Variants in ICE2 observed in about 807,000 individuals in gnomAD.
The protein encoded by ICE2 is little elongation complex subunit 2.
In ICE2, 87 loss-of-function variants were observed where a neutral mutation model predicts 105.4. That is an observed-to-expected ratio of 0.83 (90% CI 0.69 to 0.99). The LOEUF (loss-of-function observed/expected upper bound fraction) is 0.99. ICE2 is among the 50% of genes least tolerant of loss of function. ICE2 has a pLI of 0.00. For missense variants in ICE2, 1,323 were observed against 1,146.7 expected (o/e 1.15, Z -2.22); for synonymous variants, 399 against 392.0 (o/e 1.02, Z -0.21).
At chr15:60,424,419 G>GGTGGGC (rs1491015380) in intron 15 of ICE2, among the ~76,000 whole-genome samples, 191 of 1,834 alleles carry the variant, frequency 0.1, 1 homozygote, top group African/African-American at 0.16. Context: ...GAATACAGAG[G>GGTGGGC]ATGGGGGAAG....
At chr15:60,465,777 G>A (rs1301715210) in intron 5 of ICE2, among the ~76,000 whole-genome samples, 2 of 146,510 alleles carry the variant, frequency 1.4e-5, no homozygotes, top group African/African-American at 5.1e-5. Flanking sequence ...TTGAGACAGG[G>A]TATCGCTCTG....
At chr15:60,429,166 A>G (rs1430012250) in intron 14 of ICE2, among the ~76,000 whole-genome samples, 1 of 152,284 alleles carries the variant, frequency 6.6e-6, no homozygotes, top group African/African-American at 2.4e-5. Flanking sequence ...CAATGGAACA[A>G]TCACAGTACA....
chr15:60,425,944 T>C (rs1269231256), intron 15 of ICE2, among the ~76,000 whole-genome samples: 1 of 152,148 alleles, frequency 6.6e-6, no homozygotes, highest in African/African-American at 2.4e-5. Context: ...CCAAAAACTT[T>C]CCACTGGCTT....
chr15:60,448,097 A>C lies in ICE2; in HGVS notation c.2168T>G (p.Leu723Arg). ...QDYVEDTSEY[L>R]APQEGNFVYK... ...AACAAAATTTCCTTCCTGAGGAGCT[A>C]GGTATTCCGATGTATCTTCAACATA... is the stretch of plus-strand genomic sequence containing the variant. Residue 723 changes from leucine (L) to arginine (R), a missense_variant, in exon 11 of 16, where the codon CTA becomes CGA. Leu to Arg is a moderately radical substitution (Grantham distance 102, BLOSUM62 -2). Coordinates refer to ENST00000261520, the MANE Select transcript of ICE2 (RefSeq NM_024611.6). The C allele has an allele frequency of 9.3e-6, 15 of 1,612,858 alleles. No homozygotes were observed. Among genetic ancestry groups the C allele is most frequent in the Non-Finnish European group, 1.3e-5 (15 of 1,178,950 alleles).
chr15:60,477,543 T>C (rs2064798562), intron 2 of ICE2, among the ~76,000 whole-genome samples: 1 of 152,242 alleles, frequency 6.6e-6, no homozygotes. Context: ...TATGCATTTA[T>C]ATCATTTGAT....
At chr15:60,433,728 T>C (rs1333516360) in intron 13 of ICE2, among the ~76,000 whole-genome samples, 1 of 151,652 alleles carries the variant, frequency 6.6e-6, no homozygotes, top group Non-Finnish European at 1.5e-5. Context: ...TGACCTCAAG[T>C]GATCCACCTG....
chr15:60,461,927 T>C (rs2064289273), intron 5 of ICE2, among the ~76,000 whole-genome samples: 3 of 152,276 alleles, frequency 2.0e-5, no homozygotes, highest in South Asian at 4.1e-4. Context: ...AGGAAGAGCC[T>C]CTCAGTGAGT....
At chr15:60,446,934 GGA>G (rs2063835070) in intron 11 of ICE2, among the ~76,000 whole-genome samples, 1 of 146,204 alleles carries the variant, frequency 6.8e-6, no homozygotes, top group African/African-American at 2.5e-5. Context: ...AAAAATTAAA[GGA>G]AACACACTTT....
intron 3 of ICE2, among the ~76,000 whole-genome samples, chr15:60,473,779 A>G (rs1399818760): frequency 6.6e-6 from 1 of 152,254 alleles, no homozygotes; most frequent in Non-Finnish European, 1.5e-5. Context: ...ATATCCATAA[A>G]TGTACATACA....
intron 12 of ICE2, chr15:60,441,450 A>T (rs2063718605): frequency 6.6e-6 from 1 of 152,238 alleles, no homozygotes; most frequent in Non-Finnish European, 1.5e-5. Context: ...CAAGCAATCA[A>T]GCTATGCAGT....
chr15:60,465,834 C>G (rs2064410497), intron 5 of ICE2, among the ~76,000 whole-genome samples: 1 of 151,130 alleles, frequency 6.6e-6, no homozygotes, highest in Non-Finnish European at 1.5e-5. Context: ...CACTGCAAAC[C>G]TCCACCTCCC....
rs1595778188 is a variant in ICE2, at chr15:60,449,311, C to T, written c.1656G>A (p.Lys552=). The change falls in exon 10 of 16, where the codon AAG becomes AAA. Residue 552 remains lysine (K), a synonymous_variant. Coordinates refer to ENST00000261520, the MANE Select transcript of ICE2 (RefSeq NM_024611.6). ...PNVLENLDNS[K]EKTVGSEAAK... is the part of the protein sequence containing the mutation. ...CTGCTTCTGATCCAACAGTCTTTTC[C>T]TTTGAGTTGTCTAGGTTTTCTAGAA... The T allele has an allele frequency of 3.3e-5, 54 of 1,613,106 alleles. No individual in the cohort carries two copies. The highest frequency in any genetic ancestry group is 4.6e-5 in the Non-Finnish European group (54 of 1,180,010).
intron 11 of ICE2, chr15:60,445,571 T>C (rs1434640366): frequency 4.2e-6 from 4 of 962,420 alleles, no homozygotes; most frequent in East Asian, 1.1e-4. Flanking sequence ...GCCTTCTATT[T>C]AGACAGTCTT....
intron 3 of ICE2, among the ~76,000 whole-genome samples, chr15:60,469,677 C>A (rs2064533936): frequency 6.6e-6 from 1 of 152,100 alleles, no homozygotes; most frequent in South Asian, 2.1e-4. Flanking sequence ...CTTTAAAAAT[C>A]TTTGTCCTCC....
chr15:60,457,046 T>C (rs2064146227), intron 5 of ICE2, among the ~76,000 whole-genome samples: 1 of 152,168 alleles, frequency 6.6e-6, no homozygotes, highest in Non-Finnish European at 1.5e-5. Flanking sequence ...ATATTTTCCA[T>C]GTCATTTAAG....
chr15:60,433,954 A>G (rs2063521056), intron 13 of ICE2, among the ~76,000 whole-genome samples: 1 of 152,226 alleles, frequency 6.6e-6, no homozygotes, highest in South Asian at 2.1e-4. Flanking sequence ...GTACAAGCAC[A>G]GAGTTCAAAT....
At chr15:60,442,702 T>G (rs1444511728) in intron 11 of ICE2, 157 bp from the exon 12 acceptor site, 2 of 536,114 alleles carry the variant, frequency 3.7e-6, no homozygotes, top group Non-Finnish European at 6.5e-6. Context: ...ATGGATACAT[T>G]CAGGCCTGAT....
intron 15 of ICE2, 84 bp downstream of exon 15, chr15:60,428,345 C>A: frequency 7.3e-7 from 1 of 1,372,814 alleles, no homozygotes; most frequent in Non-Finnish European, 1.0e-6. Flanking sequence ...ACAATGAGAA[C>A]ATCAGGGTGA....
intron 11 of ICE2, 97 bp downstream of exon 11, chr15:60,447,871 CTA>C: frequency 1.0e-6 from 1 of 977,718 alleles, no homozygotes. Context: ...GAAGATACTA[CTA>C]TGAGTGCTCA....
Sources: gnomAD v4.1 joint callset for allele counts (sites outside exome capture counted in the v4.1 genomes callset) on GRCh38, gnomAD v4.1.1 for gene constraint, MANE v1.5 for transcripts, NCBI Gene and HGNC (gene_info 2026-07-23, HGNC 2026-07-21) for gene names.